Variants in PLEKHA5 observed in about 807,000 individuals in gnomAD.
The protein encoded by PLEKHA5 is pleckstrin homology domain containing A5.
A neutral mutation model predicts 181.9 loss-of-function variants in PLEKHA5; 55 were observed. The ratio of observed to expected loss-of-function variants is 0.30; its 90% confidence interval spans 0.24 to 0.38. The LOEUF is 0.38. PLEKHA5 is among the 10% of genes least tolerant of loss of function. The pLI is 1.00. For missense variants in PLEKHA5, 1,432 were observed against 1,549.5 expected (o/e 0.92, Z 1.27); for synonymous variants, 535 against 529.4 (o/e 1.01, Z -0.15).
intron 6 of PLEKHA5, 25 bp downstream of exon 6, chr12:19,257,562 A>G: frequency 8.7e-7 from 1 of 1,148,370 alleles, no homozygotes; most frequent in Non-Finnish European, 1.3e-6. Context: ...TTGATATGAA[A>G]CAAAAGACAG....
At chr12:19,375,231 G>C (rs1420682589) in intron 31 of PLEKHA5, among the ~76,000 whole-genome samples, 2 of 152,052 alleles carry the variant, frequency 1.3e-5, no homozygotes, top group Non-Finnish European at 1.5e-5. Flanking sequence ...GACTGAGGCA[G>C]GAGAATCGCT....
intron 3 of PLEKHA5, among the ~76,000 whole-genome samples, chr12:19,226,470 G>T (rs993770082): frequency 6.6e-6 from 1 of 152,100 alleles, no homozygotes; most frequent in Non-Finnish European, 1.5e-5. Context: ...GAGTTGAATT[G>T]CTAGGTCATA....
chr12:19,327,247 G>GT (rs55983306), intron 20 of PLEKHA5, among the ~76,000 whole-genome samples: 94,600 of 138,186 alleles, frequency 0.68, 33,776 homozygotes, highest in Non-Finnish European at 0.83. Context: ...ATCTGTTTTT[G>GT]TTTTTTTTTT....
intron 3 of PLEKHA5, among the ~76,000 whole-genome samples, chr12:19,222,798 G>C (rs1414527986): frequency 6.6e-6 from 1 of 152,016 alleles, no homozygotes; most frequent in Admixed American, 6.6e-5. Context: ...AATATAGTAG[G>C]AGGTGGTGGA....
At chr12:19,234,604 T>C (rs571886661) in intron 3 of PLEKHA5, among the ~76,000 whole-genome samples, 2 of 152,332 alleles carry the variant, frequency 1.3e-5, no homozygotes, top group South Asian at 2.1e-4. Context: ...GGCAGCCATA[T>C]GCAGAACCAC....
intron 20 of PLEKHA5, among the ~76,000 whole-genome samples, chr12:19,325,961 C>T (rs886578567): frequency 2.6e-5 from 4 of 152,010 alleles, no homozygotes; most frequent in African/African-American, 9.7e-5. Context: ...AAGCCGAGAT[C>T]ACGCCATTGC....
intron 3 of PLEKHA5, chr12:19,153,273 A>G (rs1342178455): frequency 3.9e-5 from 6 of 152,124 alleles, no homozygotes; most frequent in Non-Finnish European, 7.4e-5. Flanking sequence ...TTTATCAACT[A>G]TTTGTTCTGC....
chr12:19,150,494 C>G (rs1195168845), intron 3 of PLEKHA5: 7 of 152,218 alleles, frequency 4.6e-5, no homozygotes, highest in Non-Finnish European at 1.5e-5. Context: ...TTCTTATTCA[C>G]TTACGTGTTT....
chr12:19,218,891 A>G (rs1362287914), intron 3 of PLEKHA5, among the ~76,000 whole-genome samples: 2 of 116,086 alleles, frequency 1.7e-5, no homozygotes, highest in East Asian at 2.3e-4. Flanking sequence ...AAGGCCACAA[A>G]TAATTATTAT....
chr12:19,307,693 C>T, intron 15 of PLEKHA5: 1 of 344,096 alleles, frequency 2.9e-6, no homozygotes, highest in Non-Finnish European at 5.8e-6. Context: ...CAGAGAAGAT[C>T]TCATTCCAGA....
Position 19,218,913 on chromosome 12 carries a change from T to A in PLEKHA5, c.228-35027T>A, listed in dbSNP as rs34149456. On this transcript the variant is annotated intron_variant, in intron 3 of 31. Coordinates refer to ENST00000429027, the MANE Select transcript of PLEKHA5 (RefSeq NM_001256470.2). ...CAAATAATTATTATTATTATTTTTTTTTTTACTTTTTAATTTTCTTTTTTT... is the reference window on the plus strand; with the variant it reads ...CAAATAATTATTATTATTATTTTTTATTTTACTTTTTAATTTTCTTTTTTT... 5.4e-3 allele frequency among the ~76,000 whole-genome samples: 778 copies of A among 144,828 alleles called. 11 individuals are homozygous for A. The East Asian group carries it at 0.055, about 10-fold the overall frequency.
chr12:19,229,869 A>G (rs530386452), intron 3 of PLEKHA5, among the ~76,000 whole-genome samples: 40 of 152,318 alleles, frequency 2.6e-4, no homozygotes, highest in African/African-American at 9.4e-4. Context: ...TGAGCTAGAC[A>G]CAAAAGTTCT....
intron 3 of PLEKHA5, among the ~76,000 whole-genome samples, chr12:19,181,499 G>T (rs2048569411): frequency 1.3e-5 from 2 of 152,240 alleles, no homozygotes; most frequent in South Asian, 4.1e-4. Context: ...TTAGGGCTGG[G>T]CATGGTGGCT....
chr12:19,340,195 A>G (rs1048080423), intron 21 of PLEKHA5, among the ~76,000 whole-genome samples: 8 of 152,204 alleles, frequency 5.3e-5, no homozygotes, highest in Admixed American at 5.2e-4. Flanking sequence ...TTTGCAAGGA[A>G]GTTTTTCTTT....
At chr12:19,313,499 G>A (rs1319453640) in intron 15 of PLEKHA5, among the ~76,000 whole-genome samples, 1 of 152,166 alleles carries the variant, frequency 6.6e-6, no homozygotes, top group Non-Finnish European at 1.5e-5. Context: ...TACCTGGGTA[G>A]ATGGAAACAT....
chr12:19,194,425 T>C lies in PLEKHA5; in HGVS notation c.228-59515T>C, dbSNP rs184399405. The stretch of plus-strand genomic sequence containing the variant: ...AAACATACAAGTGCATGTATCTTTA[T>C]GATATAATGAATTCTTTTCCTTTGG... On this transcript the variant is annotated intron_variant, in intron 3 of 31. Transcript: ENST00000429027. 1.5e-3 allele frequency among the ~76,000 whole-genome samples: 236 copies of C among 152,346 alleles called. 1 individual carries two copies. The highest frequency in any genetic ancestry group is 5.2e-3 in the African/African-American group (218 of 41,572).
chr12:19,138,963 A>G (rs1308481115), intron 3 of PLEKHA5, among the ~76,000 whole-genome samples: 1 of 152,142 alleles, frequency 6.6e-6, no homozygotes, highest in African/African-American at 2.4e-5. Flanking sequence ...TTAATTATGC[A>G]ACATGAAGGT....
At chr12:19,141,198 C>G (rs1332412296) in intron 3 of PLEKHA5, among the ~76,000 whole-genome samples, 3 of 152,110 alleles carry the variant, frequency 2.0e-5, no homozygotes, top group African/African-American at 7.2e-5. Flanking sequence ...TTCTCTTTAA[C>G]CAGAAAAAAT....
intron 3 of PLEKHA5, among the ~76,000 whole-genome samples, chr12:19,194,383 G>A (rs1162158531): frequency 1.3e-5 from 2 of 152,070 alleles, no homozygotes; most frequent in East Asian, 3.9e-4. Flanking sequence ...CTTTGCTATT[G>A]TGAATGGTGC....
Sources: allele counts gnomAD v4.1 joint callset (sites outside exome capture counted in the v4.1 genomes callset), GRCh38; gene constraint gnomAD v4.1.1; transcripts MANE v1.5; gene names NCBI Gene and HGNC (gene_info 2026-07-23, HGNC 2026-07-21).